SYN2: variants seen among roughly 807,000 people sequenced by gnomAD.
SYN2 encodes the protein synapsin-2.
SYN2 carries 19 observed loss-of-function variants against 50.9 expected under a neutral mutation model. The observed-to-expected ratio is 0.37, with a 90% confidence interval of 0.26 to 0.55. The LOEUF is 0.55. Ranked by LOEUF, SYN2 falls within the 20% of genes least tolerant of loss-of-function variation. The probability of loss-of-function intolerance (pLI) is 0.81; values close to 1 mark genes in which losing one functional copy is unlikely to be tolerated. For missense variants in SYN2, 587 were observed against 576.4 expected, an observed-to-expected ratio of 1.02 and a Z score of -0.19; for synonymous variants, 255 against 224.9, an observed-to-expected ratio of 1.13 and a Z score of -1.20.
intron 11 of SYN2, chr3:12,184,127 C>T: frequency 1.0e-6 from 1 of 985,920 alleles, no homozygotes; most frequent in Non-Finnish European, 1.2e-6. Context: ...ACATGAAATA[C>T]AAAGAACAAG....
chr3:12,023,889 AG>A (rs550083740), intron 1 of SYN2, among the ~76,000 whole-genome samples: 4 of 152,256 alleles, frequency 2.6e-5, no homozygotes, highest in East Asian at 3.9e-4. Flanking sequence ...GAGTGGATAC[AG>A]GGGTGTCTTG....
chr3:12,057,795 T>C (rs965858764), intron 1 of SYN2, among the ~76,000 whole-genome samples: 1 of 152,174 alleles, frequency 6.6e-6, no homozygotes, highest in Non-Finnish European at 1.5e-5. Context: ...TGAAAAAATA[T>C]AGTGGAAATA....
At chr3:12,095,450 A>G (rs1574937375) in intron 1 of SYN2, among the ~76,000 whole-genome samples, 1 of 118,360 alleles carries the variant, frequency 8.4e-6, no homozygotes, top group Non-Finnish European at 1.7e-5. Context: ...CGGGAGACTG[A>G]GGCAGGAGAA....
chr3:12,061,965 A>G (rs1478716691), intron 1 of SYN2, among the ~76,000 whole-genome samples: 1 of 152,090 alleles, frequency 6.6e-6, no homozygotes. Context: ...CTGTAGATGC[A>G]GTGGAATCCC....
At chr3:12,148,524 G>C (rs1697205504) in intron 4 of SYN2, 1 of 152,236 alleles carries the variant, frequency 6.6e-6, no homozygotes, top group Non-Finnish European at 1.5e-5. Flanking sequence ...GGTTGGAAAA[G>C]GCTCTGCCTT....
chr3:12,153,381 G>A, intron 5 of SYN2: 1 of 1,063,062 alleles, frequency 9.4e-7, no homozygotes, highest in South Asian at 1.4e-5. Flanking sequence ...CTTGACAGTG[G>A]CCAGACTGTC....
intron 1 of SYN2, among the ~76,000 whole-genome samples, chr3:12,026,853 C>T (rs942219385): frequency 1.3e-5 from 2 of 152,072 alleles, no homozygotes; most frequent in Non-Finnish European, 2.9e-5. Flanking sequence ...CCTCTCAACT[C>T]AGGACCCTGA....
intron 1 of SYN2, among the ~76,000 whole-genome samples, chr3:12,019,563 G>T (rs1574889630): frequency 6.6e-6 from 1 of 152,166 alleles, no homozygotes; most frequent in African/African-American, 2.4e-5. Context: ...TTGGCAAAAT[G>T]GGATGAGACT....
chr3:12,109,955 A>T (rs1394143326), intron 1 of SYN2, among the ~76,000 whole-genome samples: 2 of 152,198 alleles, frequency 1.3e-5, no homozygotes, highest in African/African-American at 4.8e-5. Flanking sequence ...TCCAAGGCCA[A>T]GATGGGAGGA....
chr3:12,149,081 A>G (rs577725015), intron 4 of SYN2, among the ~76,000 whole-genome samples: 24 of 152,236 alleles, frequency 1.6e-4, no homozygotes, highest in South Asian at 6.2e-4. Flanking sequence ...CTGAGACCCA[A>G]CGAGAGCCTG....
intron 1 of SYN2, among the ~76,000 whole-genome samples, chr3:12,124,533 C>G (rs952964505): frequency 6.6e-6 from 1 of 151,950 alleles, no homozygotes; most frequent in Non-Finnish European, 1.5e-5. Flanking sequence ...GCATTACTTG[C>G]AATAAGAAAT....
chr3:12,138,865 TTCC>T (rs1696956808), intron 1 of SYN2, among the ~76,000 whole-genome samples: 2 of 152,216 alleles, frequency 1.3e-5, no homozygotes, highest in South Asian at 4.1e-4. Flanking sequence ...TTCACTCCAG[TTCC>T]TTCTTTTTAT....
intron 1 of SYN2, among the ~76,000 whole-genome samples, chr3:12,098,807 G>C (rs1337683044): frequency 6.7e-6 from 1 of 148,360 alleles, no homozygotes; most frequent in Non-Finnish European, 1.5e-5. Flanking sequence ...CTGTCTACAA[G>C]AGTTACACAT....
chr3:12,052,814 C>G (rs934852327), intron 1 of SYN2, among the ~76,000 whole-genome samples: 1 of 152,200 alleles, frequency 6.6e-6, no homozygotes, highest in Non-Finnish European at 1.5e-5. Flanking sequence ...TCTTGAAACT[C>G]TTAGCATTGC....
chr3:12,168,493 A>C lies in SYN2; in HGVS notation c.1158+15A>C, dbSNP rs371726386. 7 of 1,607,328 alleles carry C rather than the reference A, an allele frequency of 4.4e-6. No homozygotes were observed. The African/African-American group carries it at 9.4e-5, about 21-fold the overall frequency. Reference sequence around the variant, plus strand: ...ACATTTTTGAGGTAAGTCTGGACCAAGCAGTAAGAGGTAACTCCTAAGGCT... The same window carrying C: ...ACATTTTTGAGGTAAGTCTGGACCACGCAGTAAGAGGTAACTCCTAAGGCT... On this transcript the variant is annotated intron_variant, in intron 9 of 12. Coordinates refer to ENST00000621198, the MANE Select transcript of SYN2 (RefSeq NM_133625.6).
Position 12,190,522 on chromosome 3 carries a change from T to C in SYN2, c.1646T>C (p.Phe549Ser). ...CAGTCCCTGACAAATGCCTTCAGCT[T>C]CTCTGAGTCCTCCTTCTTCCGGTCT... ...KSQSLTNAFS[F>S]SESSFFRSSA... Residue 549 changes from phenylalanine (F) to serine (S), a missense_variant, in exon 13 of 13, where the codon TTC becomes TCC. Physicochemically the swap from Phe to Ser is radical, Grantham distance 155. Transcript: ENST00000621198. The C allele has an allele frequency of 6.2e-7, 1 of 1,613,880 alleles. No homozygotes were observed. The highest frequency in any genetic ancestry group is 1.1e-5 in the South Asian group (1 of 91,032).
Position 12,142,974 on chromosome 3 carries a change from C to T in SYN2, c.527+978C>T, listed in dbSNP as rs186425629. Among the ~76,000 whole-genome samples, 195 of 152,228 alleles carry T rather than the reference C, an allele frequency of 1.3e-3. No homozygotes were observed. The Middle Eastern group carries it at 0.014, about 11-fold the overall frequency. ...GAAGACAGAAAAAGAGATGTCCATCCGGGTGGGGAGTGAGCTTAGGTAGCC... is the reference window on the plus strand; with the variant it reads ...GAAGACAGAAAAAGAGATGTCCATCTGGGTGGGGAGTGAGCTTAGGTAGCC... On this transcript the variant is annotated intron_variant, in intron 3 of 12. Transcript: ENST00000621198.
At chr3:12,055,194 A>G (rs1250620585) in intron 1 of SYN2, among the ~76,000 whole-genome samples, 4 of 152,272 alleles carry the variant, frequency 2.6e-5, no homozygotes, top group East Asian at 1.9e-4. Context: ...ATCTTTGACT[A>G]TAATGAAATT....
chr3:12,109,142 ACAGT>A (rs1434433110), intron 1 of SYN2, among the ~76,000 whole-genome samples: 1 of 152,188 alleles, frequency 6.6e-6, no homozygotes, highest in South Asian at 2.1e-4. Flanking sequence ...AGATAGGAAC[ACAGT>A]CAGGGGCCTG....
Sources: gnomAD v4.1 joint callset for allele counts (sites outside exome capture counted in the v4.1 genomes callset) on GRCh38, gnomAD v4.1.1 for gene constraint, MANE v1.5 for transcripts, NCBI Gene and HGNC (gene_info 2026-07-23, HGNC 2026-07-21) for gene names.